NCOA2: variants seen among roughly 807,000 people sequenced by gnomAD.
NCOA2 encodes class E basic helix-loop-helix protein 75.
NCOA2 carries 21 observed loss-of-function variants against 145.1 expected under a neutral mutation model. The observed-to-expected ratio is 0.14, with a 90% CI of 0.10 to 0.21. NCOA2 has a LOEUF of 0.21. Among genes scored for constraint, NCOA2 ranks in the 10% least tolerant of loss-of-function variants. The probability of loss-of-function intolerance (pLI) is 1.00; values close to 1 mark genes in which losing one functional copy is unlikely to be tolerated. For missense variants in NCOA2, 1,472 were observed against 1,837.6 expected, an observed-to-expected ratio of 0.80 and a Z score of 3.64; for synonymous variants, 619 against 637.5, an observed-to-expected ratio of 0.97 and a Z score of 0.44.
chr8:70,339,834 T>C (rs1807960818), intron 1 of NCOA2, among the ~76,000 whole-genome samples: 1 of 152,154 alleles, frequency 6.6e-6, no homozygotes, highest in African/African-American at 2.4e-5. Context: ...AAACATGCAA[T>C]GGGGAAAAGA....
chr8:70,442,143 G>GAAAGAAAGAAAGAA, the NCOA2 span, among the ~76,000 whole-genome samples: 2 of 127,428 alleles, frequency 1.6e-5, no homozygotes, highest in African/African-American at 7.6e-5. Context: ...AAGAAAGAAA[G>GAAAGAAAGAAAGAA]AAAGAAAGAA....
At chr8:70,170,693 G>A (rs1286984884) in intron 5 of NCOA2, among the ~76,000 whole-genome samples, 1 of 152,142 alleles carries the variant, frequency 6.6e-6, no homozygotes, top group Non-Finnish European at 1.5e-5. Flanking sequence ...ACATTCATCT[G>A]TATTTTCAAA....
chr8:70,124,219 G>T lies in NCOA2; in HGVS notation c.4095-137C>A, dbSNP rs1178030189. 4 of 770,736 alleles carry T rather than the reference G, an allele frequency of 5.2e-6. No homozygotes were observed. In the African/African-American group the frequency reaches 5.3e-5, roughly 10 times the overall value. 47.7% of individuals were successfully genotyped at this position (770,736 alleles called of 1,614,324 possible). A position where few individuals can be genotyped will look rare whatever the true frequency, so the allele number is the denominator to read the frequency against. On this transcript the variant is annotated intron_variant, in intron 20 of 22. Coordinates refer to ENST00000452400, the MANE Select transcript of NCOA2 (RefSeq NM_006540.4). ...TGCATGAACCCAGGCTGAGACAGCC[G>T]GCAGGTGGTGGGCTTGCTGAAGCCG... is the stretch of plus-strand genomic sequence containing the variant.
chr8:70,160,083 A>G (rs1812772421), intron 9 of NCOA2, among the ~76,000 whole-genome samples: 1 of 152,168 alleles, frequency 6.6e-6, no homozygotes, highest in Non-Finnish European at 1.5e-5. Context: ...CAAATATGAA[A>G]ATAAAATTTA....
chr8:70,447,677 G>GTTTTTTTTTTT, the NCOA2 span, among the ~76,000 whole-genome samples: 1 of 94,666 alleles, frequency 1.1e-5, no homozygotes, highest in African/African-American at 5.2e-5. Context: ...TTAGGTCTTT[G>GTTTTTTTTTTT]TTTTCTTTTT....
chr8:70,188,299 G>A (rs1405181001), intron 4 of NCOA2, among the ~76,000 whole-genome samples: 1 of 152,184 alleles, frequency 6.6e-6, no homozygotes, highest in Non-Finnish European at 1.5e-5. Context: ...TGGAATGGTG[G>A]CAGTTTGTCA....
At chr8:70,187,505 A>C (rs1049306869) in intron 4 of NCOA2, among the ~76,000 whole-genome samples, 3 of 152,328 alleles carry the variant, frequency 2.0e-5, no homozygotes, top group African/African-American at 7.2e-5. Context: ...AAAGTCTAAC[A>C]ATTTTCCAGT....
At chr8:70,442,770 A>G in the NCOA2 span, among the ~76,000 whole-genome samples, 9 of 151,378 alleles carry the variant, frequency 5.9e-5, no homozygotes, top group Non-Finnish European at 1.2e-4. Context: ...TTTAATAACC[A>G]CTCCCCAGGT....
intron 4 of NCOA2, among the ~76,000 whole-genome samples, chr8:70,196,412 T>C (rs1817318161): frequency 1.3e-5 from 2 of 152,090 alleles, no homozygotes; most frequent in Admixed American, 1.3e-4. Flanking sequence ...TAACCTTTCC[T>C]TTTTTCTCTT....
chr8:70,435,021 T>A, the NCOA2 span, among the ~76,000 whole-genome samples: 1 of 152,220 alleles, frequency 6.6e-6, no homozygotes, highest in South Asian at 2.1e-4. Context: ...TTTAATTCTA[T>A]TTGTGTACTA....
At chr8:70,347,344 G>T (rs1045213018) in intron 1 of NCOA2, among the ~76,000 whole-genome samples, 1 of 152,092 alleles carries the variant, frequency 6.6e-6, no homozygotes, top group African/African-American at 2.4e-5. Context: ...AATTAGCCAG[G>T]CTTGGTGGCG....
At chr8:70,150,336 C>T (rs1000705566) in intron 11 of NCOA2, among the ~76,000 whole-genome samples, 2 of 152,182 alleles carry the variant, frequency 1.3e-5, no homozygotes, top group Non-Finnish European at 2.9e-5. Flanking sequence ...AGGAAGGCAC[C>T]GCACTGACTA....
rs200805475 is a variant in NCOA2, at chr8:70,225,555, A to AAAAAG, written c.-19-8796_-19-8792dup. Among the ~76,000 whole-genome samples the AAAAAG allele has an allele frequency of 2.6e-4, 39 of 152,012 alleles. No homozygotes were observed. In the South Asian group the frequency reaches 5.0e-3, roughly 19 times the overall value. On this transcript the variant is annotated intron_variant, in intron 2 of 22. Coordinates refer to ENST00000452400, the MANE Select transcript of NCOA2 (RefSeq NM_006540.4). ...CAGAGTGAGACTCTGTCTCAAAAAAAAAAAGAAAAGAAAAGAAAGAAAAGA... is the reference window on the plus strand; with the variant it reads ...CAGAGTGAGACTCTGTCTCAAAAAAAAAAAGAAAAGAAAAGAAAAGAAAGAAAAGA...
chr8:70,365,861 AAG>A (rs1341314170), intron 1 of NCOA2, among the ~76,000 whole-genome samples: 1 of 152,224 alleles, frequency 6.6e-6, no homozygotes, highest in Non-Finnish European at 1.5e-5. Flanking sequence ...AAAACGGAGA[AAG>A]AAGATTATCA....
At chr8:70,334,447 C>G (rs1807388959) in intron 1 of NCOA2, among the ~76,000 whole-genome samples, 1 of 152,174 alleles carries the variant, frequency 6.6e-6, no homozygotes, top group Admixed American at 6.5e-5. Context: ...AGTTCCGCTC[C>G]TACTTCTTTA....
At chr8:70,160,667 G>GAGAGAGAGAT (rs1554578939) in intron 9 of NCOA2, among the ~76,000 whole-genome samples, 1 of 145,862 alleles carries the variant, frequency 6.9e-6, no homozygotes, top group African/African-American at 2.7e-5. Context: ...GACAGAGAGA[G>GAGAGAGAGAT]AGAGAGAGAG....
chr8:70,250,079 G>A lies in NCOA2; in HGVS notation c.-19-33315C>T, dbSNP rs117604131. Among the ~76,000 whole-genome samples, 206 of 151,156 alleles carry A rather than the reference G, an allele frequency of 1.4e-3. 6 individuals are homozygous for A. In the East Asian group the frequency reaches 0.035, roughly 26 times the overall value. On this transcript the variant is annotated intron_variant, in intron 2 of 22. Coordinates refer to ENST00000452400, the MANE Select transcript of NCOA2 (RefSeq NM_006540.4). ...TCCTAATTTCCAAACTTTTAGTAAT[G>A]TCGTTTTCATCATTTAAAAACATGG...
At chr8:70,333,214 T>A (rs1366624370) in intron 1 of NCOA2, among the ~76,000 whole-genome samples, 2 of 152,162 alleles carry the variant, frequency 1.3e-5, no homozygotes. Context: ...AAGACTGGAC[T>A]TTTTTTGGGC....
chr8:70,111,621 C>T lies in NCOA2; in HGVS notation c.*2011G>A, dbSNP rs1018760911. 9.3e-6 allele frequency: 2 copies of T among 215,660 alleles called. No individual in the cohort carries two copies. The highest frequency in any genetic ancestry group is 1.9e-4 in the South Asian group (1 of 5,376). The allele number at this position is 215,660 out of a possible 1,614,324, so 13.4% of individuals were successfully genotyped here. On this transcript the variant is annotated 3_prime_UTR_variant, in exon 23 of 23. Coordinates refer to ENST00000452400, the MANE Select transcript of NCOA2 (RefSeq NM_006540.4). ...ACCCCTCTCAAGTGGAAAAAAGTAG[C>T]GAAATGCAAATTTCCAGAAAGGTTC...
Sources: gnomAD v4.1 joint callset for allele counts (sites outside exome capture counted in the v4.1 genomes callset) on GRCh38, gnomAD v4.1.1 for gene constraint, MANE v1.5 for transcripts, NCBI Gene and HGNC (gene_info 2026-07-23, HGNC 2026-07-21) for gene names.